The following AKAP6 variants were observed in gnomAD, a reference collection of about 807,000 sequenced individuals.
The protein encoded by AKAP6 is A-kinase anchoring protein 6, also known as A-kinase anchor protein 6.
AKAP6 carries 58 observed loss-of-function variants against 188.5 expected under a neutral mutation model. The ratio of observed to expected loss-of-function variants is 0.31; its 90% CI spans 0.25 to 0.38. The LOEUF (loss-of-function observed/expected upper bound fraction) is 0.38. AKAP6 is among the 10% of genes least tolerant of loss of function. AKAP6 has a pLI of 1.00. For missense variants in AKAP6, 2,710 were observed against 2,740.0 expected, an observed-to-expected ratio of 0.99 and a Z score of 0.24; for synonymous variants, 989 against 998.6, an observed-to-expected ratio of 0.99 and a Z score of 0.18.
chr14:32,661,669 G>A (rs75811002), intron 7 of AKAP6, among the ~76,000 whole-genome samples: 3,475 of 152,166 alleles, frequency 0.023, 139 homozygotes, highest in African/African-American at 0.078. Flanking sequence ...CTAGAGACTG[G>A]AAATCATGGT....
In AKAP6 at chr14:32,359,310, G is replaced by A. The variant is rs1050180900; in HGVS notation, c.-35+29902G>A. 3.9e-5 allele frequency among the ~76,000 whole-genome samples: 6 copies of A among 151,902 alleles called. No homozygotes were observed. In the South Asian group the frequency reaches 1.0e-3, roughly 26 times the overall value. On this transcript the variant is annotated intron_variant, in intron 1 of 13. Transcript: ENST00000280979. ...ATTTCTGATTTTTGAAGAAAAACAT[G>A]CTCAATTTAAAAACAATTTTTAAAT...
intron 4 of AKAP6, among the ~76,000 whole-genome samples, chr14:32,553,375 C>T (rs186250711): frequency 3.3e-5 from 5 of 152,018 alleles, no homozygotes; most frequent in Admixed American, 6.5e-5. Context: ...GGTTTCATCA[C>T]GTTGGCCAGA....
chr14:32,798,569 C>T (rs1270838971), intron 12 of AKAP6, among the ~76,000 whole-genome samples: 1 of 152,114 alleles, frequency 6.6e-6, no homozygotes, highest in Admixed American at 6.6e-5. Context: ...ATGTCTTTTG[C>T]AGCAATGTGA....
At chr14:32,591,918 T>G (rs191096845) in intron 5 of AKAP6, among the ~76,000 whole-genome samples, 3 of 152,318 alleles carry the variant, frequency 2.0e-5, no homozygotes, top group African/African-American at 7.2e-5. Context: ...AGGGCAAAGT[T>G]AATTGATGAT....
chr14:32,796,847 C>A lies in AKAP6; in HGVS notation c.3588+22954C>A, dbSNP rs966504453. Among the ~76,000 whole-genome samples, 5 of 152,262 alleles carry A rather than the reference C, an allele frequency of 3.3e-5. No individual in the cohort carries two copies. The South Asian group carries it at 1.0e-3, about 32-fold the overall frequency. ...CTTCTGCATAGCACAAGAAACTCAT[C>A]AGAGTGAACAGACAACCTACAGAAT... On this transcript the variant is annotated intron_variant, in intron 12 of 13. Transcript: ENST00000280979.
rs1884761218 is a variant in AKAP6, at chr14:32,577,152, A to G, written c.2379A>G (p.Gln793=). 6.2e-6 allele frequency: 10 copies of G among 1,611,834 alleles called. No homozygotes were observed. The highest frequency in any genetic ancestry group is 1.1e-5 in the South Asian group (1 of 90,618). ...TAAACAAACTGGATGAATTCATTCA[A>G]TGGTTAAATGAAGCCATGGAAACTA... ...GFVNKLDEFI[Q]WLNEAMETTE... Residue 793 remains glutamine, a synonymous_variant, in exon 5 of 14, where the codon CAA becomes CAG. Transcript: ENST00000280979.
chr14:32,701,298 C>T (rs2139715063), intron 9 of AKAP6, among the ~76,000 whole-genome samples: 1 of 152,204 alleles, frequency 6.6e-6, no homozygotes, highest in East Asian at 1.9e-4. Context: ...ATATAAACTG[C>T]AAAGCCCTAC....
At chr14:32,451,149 A>G (rs1287654956) in intron 2 of AKAP6, among the ~76,000 whole-genome samples, 1 of 152,210 alleles carries the variant, frequency 6.6e-6, no homozygotes, top group Non-Finnish European at 1.5e-5. Context: ...GCTAGTTTGC[A>G]TGATTCATCA....
At chr14:32,351,388 G>A (rs1372058009) in intron 1 of AKAP6, among the ~76,000 whole-genome samples, 2 of 152,116 alleles carry the variant, frequency 1.3e-5, no homozygotes, top group East Asian at 3.9e-4. Context: ...CATGGCGAAA[G>A]CCCATCTCTA....
intron 1 of AKAP6, among the ~76,000 whole-genome samples, chr14:32,416,993 A>G (rs1371854539): frequency 6.6e-6 from 1 of 152,112 alleles, no homozygotes; most frequent in African/African-American, 2.4e-5. Flanking sequence ...GGCATGTGCC[A>G]CTGCAACCAG....
chr14:32,603,966 G>C (rs1301724385), intron 7 of AKAP6, among the ~76,000 whole-genome samples: 4 of 151,848 alleles, frequency 2.6e-5, no homozygotes, highest in African/African-American at 9.7e-5. Context: ...GTGATAAGAG[G>C]TAAAATAGGT....
At chr14:32,826,230 G>T (rs768623543) in intron 13 of AKAP6, among the ~76,000 whole-genome samples, 1 of 152,108 alleles carries the variant, frequency 6.6e-6, no homozygotes, top group Non-Finnish European at 1.5e-5. Context: ...TTGAAGAAAG[G>T]CATCCCACTT....
intron 1 of AKAP6, among the ~76,000 whole-genome samples, chr14:32,411,932 T>G (rs780062913): frequency 6.8e-6 from 1 of 148,112 alleles, no homozygotes; most frequent in Non-Finnish European, 1.5e-5. Context: ...TCCGTAATGA[T>G]AGCTGCTTCA....
intron 2 of AKAP6, among the ~76,000 whole-genome samples, chr14:32,440,862 G>C (rs767069124): frequency 2.0e-5 from 3 of 151,974 alleles, no homozygotes; most frequent in African/African-American, 7.2e-5. Flanking sequence ...TTTTTTTGGT[G>C]GATGGGTGCT....
intron 12 of AKAP6, among the ~76,000 whole-genome samples, chr14:32,817,412 T>C (rs1000678288): frequency 2.0e-5 from 3 of 152,038 alleles, no homozygotes; most frequent in African/African-American, 4.8e-5. Flanking sequence ...TAAACTAGCA[T>C]TATTTAATTC....
intron 4 of AKAP6, among the ~76,000 whole-genome samples, chr14:32,563,003 C>T (rs578149503): frequency 5.3e-5 from 8 of 152,188 alleles, no homozygotes; most frequent in Non-Finnish European, 5.9e-5. Context: ...GCCCATTTCA[C>T]TTTCTAGACA....
At chr14:32,446,725 A>G in intron 2 of AKAP6, among the ~76,000 whole-genome samples, 1 of 152,078 alleles carries the variant, frequency 6.6e-6, no homozygotes, top group Non-Finnish European at 1.5e-5. Flanking sequence ...TAATGTAGTT[A>G]CTTTAAAATT....
At chr14:32,615,038 G>A (rs1300022674) in intron 7 of AKAP6, among the ~76,000 whole-genome samples, 1 of 151,296 alleles carries the variant, frequency 6.6e-6, no homozygotes, top group Non-Finnish European at 1.5e-5. Flanking sequence ...GCGTGGTGGT[G>A]CACACCTGTA....
At chr14:32,482,560 T>C (rs1463566540) in intron 2 of AKAP6, among the ~76,000 whole-genome samples, 1 of 152,208 alleles carries the variant, frequency 6.6e-6, no homozygotes, top group Non-Finnish European at 1.5e-5. Flanking sequence ...TCAACACTGT[T>C]GGATACATAC....
Sources: allele counts gnomAD v4.1 joint callset (sites outside exome capture counted in the v4.1 genomes callset), GRCh38; gene constraint gnomAD v4.1.1; transcripts MANE v1.5; gene names NCBI Gene and HGNC (gene_info 2026-07-23, HGNC 2026-07-21).